The following TP63 variants were observed in gnomAD, a reference collection of about 807,000 sequenced individuals.
TP63 encodes the protein tumor protein p63.
Under a neutral mutation model 82.8 loss-of-function variants are expected in TP63, and 17 were observed. That is an observed-to-expected ratio of 0.21 (90% CI 0.14 to 0.31). TP63 has a LOEUF of 0.31. Ranked by LOEUF, TP63 falls within the 10% of genes least tolerant of loss-of-function variation. The pLI is 1.00. For missense variants in TP63, 648 were observed against 895.3 expected, an observed-to-expected ratio of 0.72 and a Z score of 3.52; for synonymous variants, 330 against 321.7, an observed-to-expected ratio of 1.03 and a Z score of -0.28.
intron 3 of TP63, among the ~76,000 whole-genome samples, chr3:189,795,598 G>A (rs1169167034): frequency 6.6e-6 from 1 of 151,978 alleles, no homozygotes; most frequent in Non-Finnish European, 1.5e-5. Context: ...CAACGTGAAG[G>A]AACATAGTAT....
intron 10 of TP63, chr3:189,881,312 A>C: frequency 2.0e-6 from 2 of 985,234 alleles, no homozygotes; most frequent in Non-Finnish European, 2.4e-6. Context: ...GTTTCTTTCC[A>C]TTTTAAAAAC....
At chr3:189,835,822 G>A (rs1474041006) in intron 4 of TP63, among the ~76,000 whole-genome samples, 1 of 151,910 alleles carries the variant, frequency 6.6e-6, no homozygotes, top group East Asian at 1.9e-4. Context: ...GCTGAGGTAG[G>A]AGAATCACTT....
At chr3:189,661,472 T>C (rs756309750) in intron 1 of TP63, among the ~76,000 whole-genome samples, 5 of 152,120 alleles carry the variant, frequency 3.3e-5, no homozygotes, top group Admixed American at 6.6e-5. Context: ...GGATTCAATA[T>C]GTTGGTATTT....
At chr3:189,756,878 G>C (rs545227457) in intron 3 of TP63, among the ~76,000 whole-genome samples, 26 of 152,196 alleles carry the variant, frequency 1.7e-4, no homozygotes, top group South Asian at 8.3e-4. Context: ...AAGTTGAAGA[G>C]GGCAGATAAA....
intron 1 of TP63, among the ~76,000 whole-genome samples, chr3:189,641,383 C>T (rs1711853380): frequency 6.6e-6 from 1 of 152,006 alleles, no homozygotes; most frequent in African/African-American, 2.4e-5. Flanking sequence ...AAAACATACT[C>T]AGATAAAAGT....
At chr3:189,755,201 C>A (rs113882758) in intron 3 of TP63, among the ~76,000 whole-genome samples, 2 of 152,008 alleles carry the variant, frequency 1.3e-5, no homozygotes, top group South Asian at 4.1e-4. Context: ...AATATACAGC[C>A]GAATATAAAT....
At chr3:189,802,135 C>T (rs1457884642) in intron 3 of TP63, among the ~76,000 whole-genome samples, 2 of 152,158 alleles carry the variant, frequency 1.3e-5, no homozygotes, top group Non-Finnish European at 2.9e-5. Context: ...AAGTATGTCT[C>T]CCTTAGGCAG....
intron 4 of TP63, among the ~76,000 whole-genome samples, chr3:189,808,985 A>G (rs1727241027): frequency 6.6e-6 from 1 of 151,944 alleles, no homozygotes; most frequent in Non-Finnish European, 1.5e-5. Context: ...AAGAAAATAA[A>G]ATCCCATTTA....
Position 189,851,435 on chromosome 3 carries a change from C to T in TP63, c.580-12797C>T, listed in dbSNP as rs374979751. Among the ~76,000 whole-genome samples, 5 of 152,114 alleles carry T rather than the reference C, an allele frequency of 3.3e-5. No individual in the cohort carries two copies. In the East Asian group the frequency reaches 5.8e-4, roughly 18 times the overall value. On this transcript the variant is annotated intron_variant, in intron 4 of 13. Coordinates refer to ENST00000264731, the MANE Select transcript of TP63 (RefSeq NM_003722.5). ...AAAATAGAAAAAAAAATTAACCGGGCGTAGTGGTGGGCGCCTGTAATCCCA... is the reference window on the plus strand; with the variant it reads ...AAAATAGAAAAAAAAATTAACCGGGTGTAGTGGTGGGCGCCTGTAATCCCA...
intron 3 of TP63, among the ~76,000 whole-genome samples, chr3:189,794,890 T>C (rs1159091938): frequency 6.6e-6 from 1 of 152,074 alleles, no homozygotes; most frequent in Non-Finnish European, 1.5e-5. Flanking sequence ...TTTGGAAGGA[T>C]ACGCATGGAT....
intron 4 of TP63, among the ~76,000 whole-genome samples, chr3:189,853,282 C>G (rs1055258833): frequency 3.9e-5 from 6 of 152,188 alleles, no homozygotes; most frequent in African/African-American, 1.4e-4. Context: ...TGCTCAAGCC[C>G]CTCTAGTGGC....
At chr3:189,875,394 C>A (rs1042970711) in intron 10 of TP63, among the ~76,000 whole-genome samples, 1 of 150,672 alleles carries the variant, frequency 6.6e-6, no homozygotes, top group African/African-American at 2.4e-5. Flanking sequence ...GGTGAAACCC[C>A]GTCGCTACTA....
intron 1 of TP63, among the ~76,000 whole-genome samples, chr3:189,680,866 A>T (rs910453373): frequency 6.6e-6 from 1 of 152,110 alleles, no homozygotes. Flanking sequence ...AGCTAGCCTG[A>T]TGTTGAGGCA....
chr3:189,888,262 C>T (rs1011919211), intron 11 of TP63, among the ~76,000 whole-genome samples: 11 of 152,252 alleles, frequency 7.2e-5, no homozygotes, highest in Admixed American at 1.3e-4. Flanking sequence ...TAATGATAAA[C>T]TCATCATAAG....
intron 1 of TP63, among the ~76,000 whole-genome samples, chr3:189,734,922 A>G (rs1333026893): frequency 6.6e-6 from 1 of 151,302 alleles, no homozygotes; most frequent in Non-Finnish European, 1.5e-5. Context: ...CTTCCTCTTT[A>G]GGCATAATTC....
chr3:189,681,593 T>C (rs1715908785), intron 1 of TP63, among the ~76,000 whole-genome samples: 1 of 152,176 alleles, frequency 6.6e-6, no homozygotes, highest in Non-Finnish European at 1.5e-5. Flanking sequence ...GCTCCATAAA[T>C]TATATGCAAT....
At chr3:189,698,171 T>C (rs1261011187) in intron 1 of TP63, among the ~76,000 whole-genome samples, 1 of 152,126 alleles carries the variant, frequency 6.6e-6, no homozygotes, top group African/African-American at 2.4e-5. Context: ...AGGTTTTTTG[T>C]AGGTGTTCTA....
At chr3:189,617,699 C>T in the TP63 span, among the ~76,000 whole-genome samples, 174 of 152,294 alleles carry the variant, frequency 1.1e-3, 8 homozygotes, top group South Asian at 0.035. Flanking sequence ...TATTTACTCC[C>T]TTGGCATAGT....
intron 4 of TP63, among the ~76,000 whole-genome samples, chr3:189,832,729 C>T (rs1185332818): frequency 6.6e-6 from 1 of 152,188 alleles, no homozygotes; most frequent in Non-Finnish European, 1.5e-5. Context: ...AGACACTTTA[C>T]ACTGTGGGAA....
Sources: gnomAD v4.1 joint callset for allele counts (sites outside exome capture counted in the v4.1 genomes callset) on GRCh38, gnomAD v4.1.1 for gene constraint, MANE v1.5 for transcripts, NCBI Gene and HGNC (gene_info 2026-07-23, HGNC 2026-07-21) for gene names.